DOCK4: variants seen among roughly 807,000 people sequenced by gnomAD.
DOCK4 encodes the protein dedicator of cytokinesis 4.
Under a neutral mutation model 268.1 loss-of-function variants are expected in DOCK4, and 97 were observed. The ratio of observed to expected loss-of-function variants is 0.36; its 90% CI spans 0.31 to 0.43. DOCK4 has a LOEUF of 0.43. Ranked by LOEUF, DOCK4 falls within the 20% of genes least tolerant of loss-of-function variation. The probability of loss-of-function intolerance (pLI) is 1.00; values close to 1 mark genes in which losing one functional copy is unlikely to be tolerated. For missense variants in DOCK4, 2,145 were observed against 2,455.7 expected (o/e 0.87, Z 2.67); for synonymous variants, 954 against 887.2 (o/e 1.08, Z -1.34).
chr7:112,066,782 A>C (rs1244510961), intron 1 of DOCK4, among the ~76,000 whole-genome samples: 1 of 138,044 alleles, frequency 7.2e-6, no homozygotes, highest in African/African-American at 2.7e-5. Flanking sequence ...CCAAATTAAC[A>C]TATTGGTCAC....
intron 1 of DOCK4, among the ~76,000 whole-genome samples, chr7:112,087,829 C>T (rs1809244770): frequency 6.6e-6 from 1 of 151,926 alleles, no homozygotes; most frequent in Non-Finnish European, 1.5e-5. Context: ...AATTATGGGA[C>T]AAAGGAGACA....
rs148996630 is a variant in DOCK4, at chr7:111,764,912, C to G, written c.4020+206G>C. Reference sequence around the variant, plus strand: ...TATCAAAGATTGCTCACAAAATATACCAAATTTAGGAAGGGGTTGATTGCT... The same window carrying G: ...TATCAAAGATTGCTCACAAAATATAGCAAATTTAGGAAGGGGTTGATTGCT... On this transcript the variant is annotated intron_variant, in intron 39 of 52. Transcript: ENST00000428084. 1.1e-3 allele frequency among the ~76,000 whole-genome samples: 160 copies of G among 150,996 alleles called. 1 individual carries two copies. The highest frequency in any genetic ancestry group is 3.6e-3 in the African/African-American group (149 of 41,090).
chr7:111,921,491 GC>G (rs760028625), intron 12 of DOCK4, among the ~76,000 whole-genome samples: 4 of 152,142 alleles, frequency 2.6e-5, no homozygotes, highest in Admixed American at 1.3e-4. Context: ...GAATACATCA[GC>G]CATTTTGCCA....
At chr7:112,012,940 C>T (rs1586639669) in intron 1 of DOCK4, among the ~76,000 whole-genome samples, 5 of 151,992 alleles carry the variant, frequency 3.3e-5, no homozygotes, top group African/African-American at 7.3e-5. Context: ...ACCTCCACCT[C>T]GCAACCGGAG....
intron 16 of DOCK4, among the ~76,000 whole-genome samples, chr7:111,883,353 CAT>C (rs1338182965): frequency 6.6e-6 from 1 of 152,078 alleles, no homozygotes; most frequent in Non-Finnish European, 1.5e-5. Flanking sequence ...ATTTGGGTTC[CAT>C]ATGTCTAACC....
intron 1 of DOCK4, among the ~76,000 whole-genome samples, chr7:112,051,925 A>G (rs1423010572): frequency 6.6e-6 from 1 of 152,190 alleles, no homozygotes; most frequent in African/African-American, 2.4e-5. Context: ...ATTTATGTCT[A>G]TACATATTTA....
chr7:111,983,696 T>G (rs1728562269), intron 7 of DOCK4, among the ~76,000 whole-genome samples: 2 of 152,012 alleles, frequency 1.3e-5, no homozygotes, highest in Non-Finnish European at 2.9e-5. Flanking sequence ...GGCAATATGA[T>G]CAAATATTTT....
At chr7:112,159,843 TAATA>T (rs1046282024) in intron 1 of DOCK4, among the ~76,000 whole-genome samples, 4 of 148,474 alleles carry the variant, frequency 2.7e-5, no homozygotes, top group African/African-American at 9.8e-5. Context: ...TATATATACA[TAATA>T]TATATACATA....
chr7:111,815,691 T>G (rs965270158), intron 27 of DOCK4, among the ~76,000 whole-genome samples: 6 of 148,394 alleles, frequency 4.0e-5, no homozygotes, highest in African/African-American at 1.5e-4. Context: ...TTTCTTTCTT[T>G]CTGACGGAGT....
intron 37 of DOCK4, among the ~76,000 whole-genome samples, chr7:111,767,715 T>C (rs1797851489): frequency 6.6e-6 from 1 of 152,140 alleles, no homozygotes; most frequent in South Asian, 2.1e-4. Context: ...AGTTCCACAA[T>C]GGCCGAGTAG....
chr7:112,201,103 C>CA (rs1294483043), intron 1 of DOCK4, among the ~76,000 whole-genome samples: 1 of 152,026 alleles, frequency 6.6e-6, no homozygotes, highest in Non-Finnish European at 1.5e-5. Flanking sequence ...TAAGAAACTA[C>CA]AAAAAACTAA....
chr7:112,021,928 T>C lies in DOCK4; in HGVS notation c.38-17797A>G, dbSNP rs376610137. On this transcript the variant is annotated intron_variant, in intron 1 of 52. Transcript: ENST00000428084. ...ACAAACCCCAGAAAGCTCAGTATCA[T>C]GTGAAGGGCATACTAAATGCTATGT... is the stretch of plus-strand genomic sequence containing the variant. Among the ~76,000 whole-genome samples, 20 of 152,306 alleles carry C rather than the reference T, an allele frequency of 1.3e-4. 1 individual carries two copies. Among genetic ancestry groups the C allele is most frequent in the South Asian group, 8.3e-4 (4 of 4,826 alleles).
chr7:111,927,033 T>C (rs1793772116), intron 12 of DOCK4, among the ~76,000 whole-genome samples: 1 of 152,254 alleles, frequency 6.6e-6, no homozygotes, highest in African/African-American at 2.4e-5. Context: ...TGCTTATTGC[T>C]GATTGCTTCT....
chr7:111,803,752 C>T (rs1448879357), intron 30 of DOCK4, among the ~76,000 whole-genome samples: 4 of 152,128 alleles, frequency 2.6e-5, no homozygotes, highest in African/African-American at 4.8e-5. Flanking sequence ...TCCTCTGCCA[C>T]GGCTCTTGAT....
At chr7:111,865,358 G>A (rs17158922) in intron 22 of DOCK4, among the ~76,000 whole-genome samples, 50,401 of 152,076 alleles carry the variant, frequency 0.33, 8,523 homozygotes, top group African/African-American at 0.39. Context: ...ATACATCTGT[G>A]GGGCAGCTTC....
At chr7:112,128,607 G>A (rs937176663) in intron 1 of DOCK4, among the ~76,000 whole-genome samples, 1 of 152,220 alleles carries the variant, frequency 6.6e-6, no homozygotes, top group Admixed American at 6.5e-5. Flanking sequence ...TGTTATCTGT[G>A]ACCTTACCCC....
chr7:111,811,652 T>C (rs1801141688), intron 28 of DOCK4, among the ~76,000 whole-genome samples: 1 of 152,148 alleles, frequency 6.6e-6, no homozygotes, highest in Non-Finnish European at 1.5e-5. Context: ...GAGCAAGAAT[T>C]AAAATGTATA....
chr7:111,756,168 G>C (rs901325637), intron 41 of DOCK4, among the ~76,000 whole-genome samples: 2 of 152,044 alleles, frequency 1.3e-5, no homozygotes, highest in Non-Finnish European at 2.9e-5. Flanking sequence ...ATAATATGGT[G>C]AAACCGCGTC....
rs745693352 is a variant in DOCK4, at chr7:111,984,311, G to A, written c.544C>T (p.Arg182Ter). The A allele has an allele frequency of 2.5e-6, 4 of 1,611,204 alleles. No homozygotes were observed. The African/African-American group carries it at 4.0e-5, about 16-fold the overall frequency. Residue 182 changes from arginine (R) to a stop codon, truncating the protein, a stop_gained, in exon 7 of 53, where the codon CGA becomes TGA. Transcript: ENST00000428084. LOFTEE classifies it high-confidence loss of function. Reference sequence around the variant, plus strand: ...CCAAGATTTCCTGTACCTACCAATCGGTAGAGCTCAGTAATGCTGATGTCT... The same window carrying A: ...CCAAGATTTCCTGTACCTACCAATCAGTAGAGCTCAGTAATGCTGATGTCT... ...PEDISITELY[R>*]LMEHRHRKKD... is the part of the protein sequence containing the mutation.
Sources: allele counts gnomAD v4.1 joint callset (sites outside exome capture counted in the v4.1 genomes callset), GRCh38; gene constraint gnomAD v4.1.1; transcripts MANE v1.5; gene names NCBI Gene and HGNC (gene_info 2026-07-23, HGNC 2026-07-21).